The following CGGBP1 variants were observed in gnomAD, a reference collection of about 807,000 sequenced individuals.
The protein encoded by CGGBP1 is CGG triplet repeat-binding protein 1.
CGGBP1 carries 4 observed loss-of-function variants against 11.4 expected under a neutral mutation model. The observed-to-expected ratio is 0.35, with a 90% CI of 0.17 to 0.80. The LOEUF is 0.80. Among genes scored for constraint, CGGBP1 ranks in the 30% least tolerant of loss-of-function variants. The pLI is 0.52. For missense variants in CGGBP1, 135 were observed against 202.1 expected (o/e 0.67, Z 2.01); for synonymous variants, 76 against 74.1 (o/e 1.03, Z -0.13).
intron 2 of CGGBP1, among the ~76,000 whole-genome samples, chr3:88,069,644 A>G (rs1046066117): frequency 3.3e-5 from 5 of 152,200 alleles, no homozygotes; most frequent in Non-Finnish European, 7.3e-5. Flanking sequence ...CTTTTCTGCT[A>G]CTTAGATGGA....
At chr3:88,112,509 A>T (rs2107764509) in intron 2 of CGGBP1, among the ~76,000 whole-genome samples, 1 of 106,082 alleles carries the variant, frequency 9.4e-6, no homozygotes, top group African/African-American at 3.0e-5. Context: ...ATTTCCAAAT[A>T]ATTTATTTAA....
Position 88,140,089 on chromosome 3 carries a change from A to G in CGGBP1, c.-229+881T>C, listed in dbSNP as rs1390314182. 5.6e-6 allele frequency: 9 copies of G among 1,613,750 alleles called. No homozygotes were observed. In the African/African-American group the frequency reaches 9.3e-5, roughly 17 times the overall value. ...TCTCAACATTTTATAGACCACCTTAATAGACATAGCTATCCAAATGTGTAT... is the reference window on the plus strand; with the variant it reads ...TCTCAACATTTTATAGACCACCTTAGTAGACATAGCTATCCAAATGTGTAT... On this transcript the variant is annotated intron_variant, in intron 2 of 3. Transcript: ENST00000462901.
intron 2 of CGGBP1, among the ~76,000 whole-genome samples, chr3:88,108,290 G>A (rs1311913572): frequency 2.6e-5 from 4 of 152,004 alleles, no homozygotes; most frequent in Admixed American, 2.6e-4. Flanking sequence ...GAATATACTG[G>A]TGTAGCTATT....
In CGGBP1 at chr3:88,054,764, G is replaced by GT. The variant is rs1706504384; in HGVS notation, c.*708dup. 1 of 152,614 alleles carries GT rather than the reference G, an allele frequency of 6.6e-6. No individual in the cohort carries two copies. The highest frequency in any genetic ancestry group is 2.4e-5 in the African/African-American group (1 of 41,446). The allele number at this position is 152,614 out of a possible 1,614,324, so 9.5% of individuals were successfully genotyped here. On this transcript the variant is annotated 3_prime_UTR_variant, in exon 4 of 4. Coordinates refer to ENST00000482016, the MANE Select transcript of CGGBP1 (RefSeq NM_001008390.2). ...CTATGGTTCGAAATTAGTATTCATA[G>GT]TAAGAGACTAAAATCCTGTCACTGC...
chr3:88,059,287 A>T (rs577161373), upstream of CGGBP1: 3,497 of 1,531,482 alleles, frequency 2.3e-3, 2 homozygotes, highest in Middle Eastern at 3.0e-3. Flanking sequence ...GCGGCGGCGC[A>T]GGGGCTGGTA....
chr3:88,078,440 C>G (rs190013395), intron 2 of CGGBP1, among the ~76,000 whole-genome samples: 4 of 151,890 alleles, frequency 2.6e-5, no homozygotes, highest in African/African-American at 7.3e-5. Context: ...TCCCAGGATA[C>G]TGGGGTAGGG....
At chr3:88,086,222 T>C (rs1182241909) in intron 2 of CGGBP1, 2 of 1,494,784 alleles carry the variant, frequency 1.3e-6, no homozygotes, top group Non-Finnish European at 1.8e-6. Flanking sequence ...TTGAGAACTT[T>C]TTCTATAGTA....
chr3:88,059,138 C>T, upstream of CGGBP1: 1 of 1,192,802 alleles, frequency 8.4e-7, no homozygotes, highest in South Asian at 1.6e-5. Context: ...CAGCTTGCGT[C>T]TTCCAATAAA....
At chr3:88,067,960 A>G (rs1707295449) in intron 2 of CGGBP1, among the ~76,000 whole-genome samples, 1 of 152,048 alleles carries the variant, frequency 6.6e-6, no homozygotes, top group Non-Finnish European at 1.5e-5. Flanking sequence ...TTTGAAAGGA[A>G]GATACAAATC....
At chr3:88,102,338 C>T (rs1463054838) in intron 2 of CGGBP1, among the ~76,000 whole-genome samples, 2 of 152,158 alleles carry the variant, frequency 1.3e-5, no homozygotes, top group Non-Finnish European at 2.9e-5. Flanking sequence ...TCATTAATAG[C>T]TCTAGTCGTT....
rs186542674 is a variant in CGGBP1 at position 88,135,296 on chromosome 3, C to T, written c.-229+5674G>A. On this transcript the variant is annotated intron_variant, in intron 2 of 3. Transcript: ENST00000462901. ...TGATAAAATTTATTTGATTTTAAAA[C>T]TGAAGGAAAGGAGGATTTTAAGGCC... is the stretch of plus-strand genomic sequence containing the variant. 3.1e-3 allele frequency: 3,369 copies of T among 1,101,358 alleles called. 6 individuals are homozygous for T. The highest frequency in any genetic ancestry group is 8.0e-3 in the Middle Eastern group (28 of 3,514). The allele number at this position is 1,101,358 out of a possible 1,614,324, so 68.2% of individuals were successfully genotyped here.
chr3:88,091,372 ATT>A (rs1708623355), intron 2 of CGGBP1, among the ~76,000 whole-genome samples: 1 of 152,218 alleles, frequency 6.6e-6, no homozygotes, highest in Admixed American at 6.5e-5. Context: ...TGTTTCAGTT[ATT>A]CTCTACTGAT....
At chr3:88,057,951 G>A (rs1313001539) in intron 2 of CGGBP1, 68 bp downstream of exon 2, 1 of 152,184 alleles carries the variant, frequency 6.6e-6, no homozygotes, top group East Asian at 1.9e-4. Flanking sequence ...GCCAACAAAA[G>A]AGAAAAAGCA....
At chr3:88,107,482 T>C (rs1466000592) in intron 2 of CGGBP1, among the ~76,000 whole-genome samples, 1 of 152,198 alleles carries the variant, frequency 6.6e-6, no homozygotes, top group African/African-American at 2.4e-5. Context: ...TATAATTGTT[T>C]TATTTATCTC....
In CGGBP1 at chr3:88,057,235, A is replaced by G. The variant is rs994697379; in HGVS notation, c.-68T>C. Reference sequence around the variant, plus strand: ...ATGAACTCTCTTTCAAAAGGACTTTAAATTGCCAACGTATCAGACAGTCAT... The same window carrying G: ...ATGAACTCTCTTTCAAAAGGACTTTGAATTGCCAACGTATCAGACAGTCAT... On this transcript the variant is annotated 5_prime_UTR_variant, in exon 3 of 4. Transcript: ENST00000482016. The G allele has an allele frequency of 6.6e-6, 1 of 152,228 alleles. No homozygotes were observed. Among genetic ancestry groups the G allele is most frequent in the African/African-American group, 2.4e-5 (1 of 41,452 alleles). The allele number at this position is 152,228 out of a possible 1,614,324, so 9.4% of individuals were successfully genotyped here.
intron 2 of CGGBP1, among the ~76,000 whole-genome samples, chr3:88,080,825 T>C (rs987151786): frequency 3.3e-5 from 5 of 152,224 alleles, no homozygotes; most frequent in Admixed American, 6.5e-5. Flanking sequence ...CAGATTTGTT[T>C]TTAAATTTTT....
chr3:88,121,795 T>G (rs1022494067), intron 2 of CGGBP1, among the ~76,000 whole-genome samples: 1 of 152,214 alleles, frequency 6.6e-6, no homozygotes, highest in Non-Finnish European at 1.5e-5. Context: ...TTTACATTTT[T>G]GTCTTAATTT....
intron 2 of CGGBP1, among the ~76,000 whole-genome samples, chr3:88,111,856 A>G (rs1705108764): frequency 6.6e-6 from 1 of 151,988 alleles, no homozygotes; most frequent in Non-Finnish European, 1.5e-5. Flanking sequence ...ATTTTCATAA[A>G]TATGAGAGGA....
chr3:88,078,034 A>T (rs1707904933), intron 2 of CGGBP1, among the ~76,000 whole-genome samples: 1 of 152,202 alleles, frequency 6.6e-6, no homozygotes, highest in East Asian at 1.9e-4. Context: ...TTAATATAAA[A>T]CATGCTTAAT....
Sources: gnomAD v4.1 joint callset for allele counts (sites outside exome capture counted in the v4.1 genomes callset) on GRCh38, gnomAD v4.1.1 for gene constraint, MANE v1.5 for transcripts, NCBI Gene and HGNC (gene_info 2026-07-23, HGNC 2026-07-21) for gene names.